Variants in NCK2 observed in about 807,000 individuals in gnomAD.
NCK2 encodes the protein NCK adaptor protein 2, also known as cytoplasmic protein NCK2.
Under a neutral mutation model 33.9 loss-of-function variants are expected in NCK2, and 16 were observed. The observed-to-expected ratio is 0.47, with a 90% CI of 0.32 to 0.72. The LOEUF (loss-of-function observed/expected upper bound fraction) is 0.72, where lower values mean the gene tolerates loss of function less well. Ranked by LOEUF, NCK2 falls within the 30% of genes least tolerant of loss-of-function variation. The pLI is 0.03. For missense variants in NCK2, 418 were observed against 537.3 expected, an observed-to-expected ratio of 0.78 and a Z score of 2.19; for synonymous variants, 273 against 239.9, an observed-to-expected ratio of 1.14 and a Z score of -1.27.
At chr2:105,837,868 AC>A (rs1037753646) in intron 2 of NCK2, among the ~76,000 whole-genome samples, 6 of 152,192 alleles carry the variant, frequency 3.9e-5, no homozygotes, top group African/African-American at 1.4e-4. Flanking sequence ...CATTTGTGCT[AC>A]CTGTCCTTGC....
At chr2:105,857,392 G>T (rs981270720) in intron 3 of NCK2, among the ~76,000 whole-genome samples, 1 of 152,240 alleles carries the variant, frequency 6.6e-6, no homozygotes, top group Non-Finnish European at 1.5e-5. Context: ...GCGTCGGTTC[G>T]AGTAGGCCAA....
chr2:105,828,132 A>C (rs1573167588), intron 2 of NCK2, among the ~76,000 whole-genome samples: 8 of 152,226 alleles, frequency 5.3e-5, no homozygotes, highest in Admixed American at 5.2e-4. Flanking sequence ...TTGAAAGATC[A>C]ACTCATTTCC....
At chr2:105,889,571 CTTTT>C (rs35868906) in intron 4 of NCK2, among the ~76,000 whole-genome samples, 6 of 132,800 alleles carry the variant, frequency 4.5e-5, no homozygotes, top group Admixed American at 7.7e-5. Context: ...ATTTGCATTT[CTTTT>C]TTTTTTTTTT....
intron 1 of NCK2, among the ~76,000 whole-genome samples, chr2:105,797,229 T>G (rs911594408): frequency 6.6e-6 from 1 of 152,202 alleles, no homozygotes; most frequent in African/African-American, 2.4e-5. Flanking sequence ...GACACCCCTA[T>G]TTCAGCTCCT....
intron 1 of NCK2, among the ~76,000 whole-genome samples, chr2:105,801,078 T>A (rs1674816221): frequency 6.6e-6 from 1 of 152,248 alleles, no homozygotes; most frequent in Non-Finnish European, 1.5e-5. Flanking sequence ...CTGGGCGTGC[T>A]GAGCCCGTCA....
At chr2:105,755,841 A>T (rs780652108) in intron 1 of NCK2, among the ~76,000 whole-genome samples, 2 of 151,938 alleles carry the variant, frequency 1.3e-5, no homozygotes, top group African/African-American at 4.9e-5. Flanking sequence ...GGTTCATAGG[A>T]TTCTAGGTTC....
intron 1 of NCK2, among the ~76,000 whole-genome samples, chr2:105,790,789 A>T (rs1042230777): frequency 6.6e-6 from 1 of 152,188 alleles, no homozygotes; most frequent in Non-Finnish European, 1.5e-5. Flanking sequence ...TCTCGCTGCC[A>T]GCTGATGCAC....
At position 105,893,016 on chromosome 2, in the gene NCK2, G is replaced by A. The variant is rs1270571800; in HGVS notation, c.983G>A (p.Gly328Glu). Reference sequence around the variant, plus strand: ...TTCTCCGTGTCCCTTAAAGCGTCAGGGAAGAACAAACACTTCAAGGTGCAG... The same window carrying A: ...TTCTCCGTGTCCCTTAAAGCGTCAGAGAAGAACAAACACTTCAAGGTGCAG... ...SDFSVSLKAS[G>E]KNKHFKVQLV... Residue 328 changes from glycine to glutamate, a missense_variant, in exon 5 of 5, where the codon GGG becomes GAG. Physicochemically the swap from Gly to Glu is moderately conservative, Grantham distance 98. Transcript: ENST00000233154. 3 of 1,613,688 alleles carry A rather than the reference G, an allele frequency of 1.9e-6. No homozygotes were observed. The African/African-American group carries it at 4.0e-5, about 22-fold the overall frequency.
At chr2:105,881,032 C>T (rs561298549) in intron 3 of NCK2, among the ~76,000 whole-genome samples, 25 of 150,752 alleles carry the variant, frequency 1.7e-4, no homozygotes, top group Admixed American at 1.0e-3. Context: ...GCAATCTTCC[C>T]GCCTGGGCCT....
In NCK2 at chr2:105,787,124, G is replaced by A. The variant is rs545275519; in HGVS notation, c.-200-29306G>A. On this transcript the variant is annotated intron_variant, in intron 1 of 4. Transcript: ENST00000233154. ...CTGGGCAGCTGCTGTTACTCCCACT[G>A]CCCTCACCTTTGACCCTCAGCCCTG... 2.6e-5 allele frequency among the ~76,000 whole-genome samples: 4 copies of A among 152,316 alleles called. No individual in the cohort carries two copies. In the East Asian group the frequency reaches 7.7e-4, roughly 29 times the overall value.
chr2:105,893,373 C>G lies in NCK2; in HGVS notation c.*197C>G. 1.8e-6 allele frequency: 1 copy of G among 563,998 alleles called. No individual in the cohort carries two copies. Among genetic ancestry groups the G allele is most frequent in the Non-Finnish European group, 3.1e-6 (1 of 318,218 alleles). The allele number at this position is 563,998 out of a possible 1,614,324, so 34.9% of individuals were successfully genotyped here. A position where few individuals can be genotyped will look rare whatever the true frequency, so the allele number is the denominator to read the frequency against. The stretch of plus-strand genomic sequence containing the variant: ...CCACACTCGAGCCCACCCGGCCGGC[C>G]AGCTTTAGAGGAGGGGAGGAGCAGG... On this transcript the variant is annotated 3_prime_UTR_variant, in exon 5 of 5. Transcript: ENST00000233154.
At chr2:105,785,874 T>A (rs147466543) in intron 1 of NCK2, among the ~76,000 whole-genome samples, 141 of 152,286 alleles carry the variant, frequency 9.3e-4, no homozygotes, top group African/African-American at 3.3e-3. Context: ...AAATACGATA[T>A]CTAGTAGCAG....
intron 3 of NCK2, among the ~76,000 whole-genome samples, chr2:105,873,394 A>C (rs578048595): frequency 6.6e-6 from 1 of 152,258 alleles, no homozygotes; most frequent in East Asian, 1.9e-4. Flanking sequence ...GCCTCCCAGC[A>C]TCACAGGTTT....
intron 4 of NCK2, 126 bp from the exon 5 acceptor site, chr2:105,892,856 A>T: frequency 1.3e-6 from 1 of 747,330 alleles, no homozygotes; most frequent in Non-Finnish European, 2.1e-6. Flanking sequence ...AAAAAAAAAA[A>T]AAAAAGCAGA....
chr2:105,769,382 C>T (rs924198026), intron 1 of NCK2, among the ~76,000 whole-genome samples: 3 of 150,932 alleles, frequency 2.0e-5, no homozygotes, highest in East Asian at 3.9e-4. Context: ...CTGGGTCTGA[C>T]GAATCATGAC....
intron 2 of NCK2, among the ~76,000 whole-genome samples, chr2:105,826,150 T>C (rs1675933656): frequency 1.3e-5 from 2 of 152,156 alleles, no homozygotes; most frequent in South Asian, 4.1e-4. Flanking sequence ...GGAAACTTAA[T>C]CATGGCAGAA....
At chr2:105,748,064 G>T (rs143424852) in intron 1 of NCK2, among the ~76,000 whole-genome samples, 27 of 152,292 alleles carry the variant, frequency 1.8e-4, no homozygotes, top group African/African-American at 6.5e-4. Context: ...ACATCCACAT[G>T]TGTACTGGCA....
chr2:105,860,348 A>G (rs1477513584), intron 3 of NCK2, among the ~76,000 whole-genome samples: 3 of 152,198 alleles, frequency 2.0e-5, no homozygotes, highest in African/African-American at 7.2e-5. Flanking sequence ...GAACTTTTAG[A>G]GTTCCTGCAT....
intron 2 of NCK2, among the ~76,000 whole-genome samples, chr2:105,818,789 T>G (rs1465801095): frequency 6.6e-6 from 1 of 152,232 alleles, no homozygotes; most frequent in African/African-American, 2.4e-5. Context: ...TGGTGGTTTC[T>G]GGAAATTTTC....
Sources: allele counts gnomAD v4.1 joint callset (sites outside exome capture counted in the v4.1 genomes callset), GRCh38; gene constraint gnomAD v4.1.1; transcripts MANE v1.5; gene names NCBI Gene and HGNC (gene_info 2026-07-23, HGNC 2026-07-21).